EML4: variants seen among roughly 807,000 people sequenced by gnomAD.
EML4 encodes echinoderm microtubule-associated protein-like 4.
Under a neutral mutation model 129.0 loss-of-function variants are expected in EML4, and 72 were observed. That is an observed-to-expected ratio of 0.56 (90% CI 0.46 to 0.68). The LOEUF (loss-of-function observed/expected upper bound fraction) is 0.68, where lower values mean the gene tolerates loss of function less well. Ranked by LOEUF, EML4 falls within the 30% of genes least tolerant of loss-of-function variation. The probability of loss-of-function intolerance (pLI) is 0.00; values close to 1 mark genes in which losing one functional copy is unlikely to be tolerated. For missense variants in EML4, 1,363 were observed against 1,190.6 expected, an observed-to-expected ratio of 1.14 and a Z score of -2.13; for synonymous variants, 532 against 405.0, an observed-to-expected ratio of 1.31 and a Z score of -3.77.
chr2:42,265,545 G>C (rs1666011648), intron 6 of EML4, among the ~76,000 whole-genome samples: 1 of 152,104 alleles, frequency 6.6e-6, no homozygotes. Flanking sequence ...TGGCCCGGCT[G>C]CATTTTTAAA....
At chr2:42,256,167 A>G (rs1371364558) in intron 2 of EML4, among the ~76,000 whole-genome samples, 2 of 152,210 alleles carry the variant, frequency 1.3e-5, no homozygotes, top group Admixed American at 6.5e-5. Context: ...GACTGATGGC[A>G]TGGGATTTAT....
At chr2:42,216,472 AC>A (rs1673200252) in intron 1 of EML4, among the ~76,000 whole-genome samples, 1 of 150,784 alleles carries the variant, frequency 6.6e-6, no homozygotes, top group Admixed American at 6.6e-5. Flanking sequence ...TGAACTCCTG[AC>A]GTCGTGATCC....
chr2:42,301,309 A>C lies in EML4; in HGVS notation c.1558A>C (p.Asn520His). 1 of 1,613,496 alleles carries C rather than the reference A, an allele frequency of 6.2e-7. No individual in the cohort carries two copies. The highest frequency in any genetic ancestry group is 8.5e-7 in the Non-Finnish European group (1 of 1,179,664). ...GSVFTLCQMR[N>H]GMLLTGGGKD... ...TGTGTTCACACTTTGTCAGATGAGA[A>C]ATGGGATGTTATTAACTGGAGGAGG... The change falls in exon 14 of 23, where the codon AAT (asparagine) becomes CAT (histidine). Residue 520 changes from asparagine (N) to histidine (H), a missense_variant. Physicochemically the swap from Asn to His is moderately conservative, Grantham distance 68 (BLOSUM62 1). Transcript: ENST00000318522.
intron 11 of EML4, among the ~76,000 whole-genome samples, chr2:42,291,606 A>G (rs544143677): frequency 1.3e-5 from 2 of 151,972 alleles, no homozygotes; most frequent in African/African-American, 2.4e-5. Context: ...GAGTTTCACC[A>G]TGTTGGCCAG....
At chr2:42,247,658 G>T (rs1558537876) in intron 2 of EML4, among the ~76,000 whole-genome samples, 1 of 151,700 alleles carries the variant, frequency 6.6e-6, no homozygotes, top group Admixed American at 6.6e-5. Flanking sequence ...ATGCTTGCTT[G>T]CTTGATTTAT....
At chr2:42,294,700 A>T (rs577276985) in intron 11 of EML4, among the ~76,000 whole-genome samples, 1 of 152,284 alleles carries the variant, frequency 6.6e-6, no homozygotes, top group East Asian at 1.9e-4. Context: ...GTGTCTTAAA[A>T]AAAAAAAAAA....
chr2:42,259,971 C>T (rs893467147), intron 3 of EML4, among the ~76,000 whole-genome samples: 9 of 151,670 alleles, frequency 5.9e-5, no homozygotes, highest in Non-Finnish European at 1.3e-4. Flanking sequence ...ACCTCGTGAT[C>T]CACCCACCTC....
chr2:42,277,986 C>T (rs1666752427), intron 6 of EML4, among the ~76,000 whole-genome samples: 5 of 152,198 alleles, frequency 3.3e-5, no homozygotes, highest in Admixed American at 3.3e-4. Flanking sequence ...TACTCTTCTC[C>T]TTAGGTCGTT....
chr2:42,211,700 T>G (rs939315530), intron 1 of EML4, among the ~76,000 whole-genome samples: 13 of 152,114 alleles, frequency 8.5e-5, no homozygotes, highest in African/African-American at 2.9e-4. Context: ...GTTGGGTAAC[T>G]TTGTTCCTGT....
Position 42,263,319 on chromosome 2 carries a change from C to T in EML4, c.641+13C>T. 6.3e-7 allele frequency: 1 copy of T among 1,578,670 alleles called. No individual in the cohort carries two copies. The highest frequency in any genetic ancestry group is 1.4e-5 in the African/African-American group (1 of 73,192). The stretch of plus-strand genomic sequence containing the variant: ...AAACTGCAGACAAGTAAGTATTGCA[C>T]TTTCTTCATTATATCTGAAAAGTAA... On this transcript the variant is annotated intron_variant, in intron 5 of 22. Coordinates refer to ENST00000318522, the MANE Select transcript of EML4 (RefSeq NM_019063.5).
At chr2:42,240,537 A>G (rs1453895216) in intron 1 of EML4, among the ~76,000 whole-genome samples, 1 of 152,158 alleles carries the variant, frequency 6.6e-6, no homozygotes, top group Non-Finnish European at 1.5e-5. Flanking sequence ...TTATCCACTT[A>G]AGTCATCTTG....
At chr2:42,316,972 G>A (rs1304767248) in intron 18 of EML4, among the ~76,000 whole-genome samples, 1 of 152,162 alleles carries the variant, frequency 6.6e-6, no homozygotes, top group African/African-American at 2.4e-5. Context: ...CAGAGATGAC[G>A]TGGACTTTAT....
chr2:42,209,031 C>T (rs759041283), intron 1 of EML4, among the ~76,000 whole-genome samples: 1 of 152,080 alleles, frequency 6.6e-6, no homozygotes, highest in African/African-American at 2.4e-5. Context: ...AAGAGTCCAT[C>T]GCTAGACACT....
At chr2:42,192,081 T>C (rs971683231) in intron 1 of EML4, among the ~76,000 whole-genome samples, 2 of 149,278 alleles carry the variant, frequency 1.3e-5, no homozygotes, top group South Asian at 2.1e-4. Context: ...GAGGTTGCAG[T>C]GATCCGAGAT....
intron 8 of EML4, 149 bp downstream of exon 8, chr2:42,283,121 A>G (rs1217895857): frequency 1.9e-5 from 15 of 779,230 alleles, no homozygotes; most frequent in African/African-American, 9.0e-5. Context: ...TTTTAAAAAG[A>G]AAAAAAGGAC....
chr2:42,223,208 C>T lies in EML4; in HGVS notation c.26-22297C>T, dbSNP rs930849284. Among the ~76,000 whole-genome samples, 15 of 152,244 alleles carry T rather than the reference C, an allele frequency of 9.9e-5. 1 individual carries two copies. The highest frequency in any genetic ancestry group is 1.6e-4 in the Non-Finnish European group (11 of 68,000). ...GTCTGATAGGTTTATAGTTCCCTCT[C>T]TCCCTGCTACATACATTGTTGTGTC... On this transcript the variant is annotated intron_variant, in intron 1 of 22. Transcript: ENST00000318522.
chr2:42,257,154 A>C (rs567610722), intron 3 of EML4, among the ~76,000 whole-genome samples: 1 of 152,144 alleles, frequency 6.6e-6, no homozygotes, highest in South Asian at 2.1e-4. Flanking sequence ...GGTGGGCAGG[A>C]GGGCTGTGGA....
At chr2:42,288,136 C>G (rs1667415430) in intron 10 of EML4, 91 bp from the exon 11 acceptor site, 1 of 556,020 alleles carries the variant, frequency 1.8e-6, no homozygotes, top group Non-Finnish European at 3.2e-6. Flanking sequence ...GGTTATCTTA[C>G]TATTTGCAGT....
chr2:42,191,968 C>A (rs1054448647), intron 1 of EML4, among the ~76,000 whole-genome samples: 2 of 151,924 alleles, frequency 1.3e-5, no homozygotes, highest in Non-Finnish European at 2.9e-5. Context: ...GGTGAAACTC[C>A]ATCCCTACTA....
Sources: gnomAD v4.1 joint callset for allele counts (sites outside exome capture counted in the v4.1 genomes callset) on GRCh38, gnomAD v4.1.1 for gene constraint, MANE v1.5 for transcripts, NCBI Gene and HGNC (gene_info 2026-07-23, HGNC 2026-07-21) for gene names.